CAMK2B: variants seen among roughly 807,000 people sequenced by gnomAD.
CAMK2B encodes the protein calcium/calmodulin-dependent protein kinase type II subunit beta.
Under a neutral mutation model 93.7 loss-of-function variants are expected in CAMK2B, and 27 were observed. That is an observed-to-expected ratio of 0.29 (90% CI 0.21 to 0.40). The LOEUF (loss-of-function observed/expected upper bound fraction) is 0.40. Among genes scored for constraint, CAMK2B ranks in the 10% least tolerant of loss-of-function variants. The pLI, the probability that CAMK2B is intolerant of heterozygous loss-of-function variation, is 1.00. For missense variants in CAMK2B, 568 were observed against 895.8 expected, an observed-to-expected ratio of 0.63 and a Z score of 4.67; for synonymous variants, 374 against 358.8, an observed-to-expected ratio of 1.04 and a Z score of -0.48.
At chr7:44,219,785 C>T (rs1027605476) in intron 23 of CAMK2B, among the ~76,000 whole-genome samples, 3 of 152,208 alleles carry the variant, frequency 2.0e-5, no homozygotes, top group Non-Finnish European at 4.4e-5. Flanking sequence ...GACTGTGCTG[C>T]CCGGGGCCCA....
Position 44,228,420 on chromosome 7 carries a change from G to C in CAMK2B, c.1468+376C>G, listed in dbSNP as rs373134907. 1.4e-3 allele frequency among the ~76,000 whole-genome samples: 219 copies of C among 152,230 alleles called. 1 individual carries two copies. Among genetic ancestry groups the C allele is most frequent in the African/African-American group, 5.0e-3 (206 of 41,522 alleles). On this transcript the variant is annotated intron_variant, in intron 19 of 23. Coordinates refer to ENST00000395749, the MANE Select transcript of CAMK2B (RefSeq NM_001220.5). ...CCTGGGCACCATGGGCAGGGCCCCTGGGTGGGTGTGAAGTCTGTGGGGCTG... is the reference window on the plus strand; with the variant it reads ...CCTGGGCACCATGGGCAGGGCCCCTCGGTGGGTGTGAAGTCTGTGGGGCTG...
At chr7:44,323,145 G>T (rs550994451) in intron 1 of CAMK2B, among the ~76,000 whole-genome samples, 203 of 152,312 alleles carry the variant, frequency 1.3e-3, no homozygotes, top group African/African-American at 4.2e-3. Context: ...CCCAAGAGCC[G>T]CCACAGCAGG....
intron 15 of CAMK2B, 22 bp downstream of exon 15, chr7:44,234,368 C>G (rs764934034): frequency 1.3e-6 from 2 of 1,493,956 alleles, no homozygotes; most frequent in Non-Finnish European, 1.8e-6. Flanking sequence ...GGCTGAGAGG[C>G]AGAATTTGAG....
intron 19 of CAMK2B, among the ~76,000 whole-genome samples, chr7:44,227,219 T>G (rs62636900): frequency 1.4e-3 from 2 of 1,384 alleles, no homozygotes; most frequent in African/African-American, 9.1e-3. Flanking sequence ...CAGAGGGGGA[T>G]GTGGGGGACA....
chr7:44,284,743 T>G (rs568841768), intron 1 of CAMK2B, among the ~76,000 whole-genome samples: 1 of 152,200 alleles, frequency 6.6e-6, no homozygotes, highest in African/African-American at 2.4e-5. Flanking sequence ...TTGGGATTTG[T>G]GCAGTCAGAC....
In CAMK2B at chr7:44,300,913, G is replaced by A. The variant is rs2129176600; in HGVS notation, c.66-16688C>T. ...AACACCCTGATACATTTAAAATACA[G>A]TAATCATATAAAGTACGCTCTCAGA... On this transcript the variant is annotated intron_variant, in intron 1 of 23. Coordinates refer to ENST00000395749, the MANE Select transcript of CAMK2B (RefSeq NM_001220.5). 2.0e-5 allele frequency among the ~76,000 whole-genome samples: 3 copies of A among 152,110 alleles called. 1 individual carries two copies. The South Asian group carries it at 6.2e-4, about 32-fold the overall frequency.
At chr7:44,243,191 G>A in intron 8 of CAMK2B, 59 bp downstream of exon 8, 1 of 1,280,446 alleles carries the variant, frequency 7.8e-7, no homozygotes, top group Non-Finnish European at 1.1e-6. Flanking sequence ...CCAGGATGTA[G>A]GTGGGAAGTC....
Position 44,232,915 on chromosome 7 carries a change from AGAG to A in CAMK2B, c.1132-52_1132-50del, listed in dbSNP as rs781173287. ...GGAAGGAAAGAGAGGGAAAGTGAGA[AGAG>A]GAGGAAGCGGAGACCACCAGGAGGG... is the stretch of plus-strand genomic sequence containing the variant. On this transcript the variant is annotated intron_variant, in intron 15 of 23. Coordinates refer to ENST00000395749, the MANE Select transcript of CAMK2B (RefSeq NM_001220.5). The A allele has an allele frequency of 5.8e-6, 9 of 1,561,420 alleles. No individual in the cohort carries two copies. In the South Asian group the frequency reaches 1.0e-4, roughly 17 times the overall value.
chr7:44,234,535 A>G, intron 14 of CAMK2B, 74 bp from the exon 15 acceptor site: 1 of 1,584,492 alleles, frequency 6.3e-7, no homozygotes. Context: ...CGTGTCTCTC[A>G]GGGCATGGGG....
At chr7:44,274,219 T>C (rs1284244802) in intron 2 of CAMK2B, among the ~76,000 whole-genome samples, 1 of 152,112 alleles carries the variant, frequency 6.6e-6, no homozygotes, top group Non-Finnish European at 1.5e-5. Flanking sequence ...CCAGGTGACA[T>C]GCAGACAATG....
intron 1 of CAMK2B, among the ~76,000 whole-genome samples, chr7:44,306,675 G>T (rs1584828712): frequency 1.3e-5 from 2 of 152,308 alleles, no homozygotes; most frequent in Non-Finnish European, 2.9e-5. Flanking sequence ...CACAGGGGTT[G>T]CTGGAGAACT....
intron 2 of CAMK2B, among the ~76,000 whole-genome samples, chr7:44,267,495 T>C (rs2096930867): frequency 6.6e-6 from 1 of 152,308 alleles, no homozygotes; most frequent in Non-Finnish European, 1.5e-5. Flanking sequence ...TCCTAAATGC[T>C]TGGGCATCTT....
chr7:44,240,456 C>T (rs1278520714), intron 12 of CAMK2B, among the ~76,000 whole-genome samples: 2 of 152,242 alleles, frequency 1.3e-5, no homozygotes, highest in South Asian at 2.1e-4. Context: ...CACAGACGCT[C>T]GTGTTCAGGG....
At chr7:44,229,670 G>A in intron 17 of CAMK2B, 169 bp from the exon 18 acceptor site, 2 of 496,286 alleles carry the variant, frequency 4.0e-6, no homozygotes, top group Non-Finnish European at 7.1e-6. Context: ...TGGGCCTGTG[G>A]TGGCCGCAGC....
chr7:44,256,252 C>T (rs371459014), intron 4 of CAMK2B, among the ~76,000 whole-genome samples: 1 of 152,232 alleles, frequency 6.6e-6, no homozygotes, highest in African/African-American at 2.4e-5. Flanking sequence ...CTGAGCTTGG[C>T]CTGTCCGTGT....
At chr7:44,219,795 A>G (rs2096375981) in intron 23 of CAMK2B, among the ~76,000 whole-genome samples, 2 of 152,142 alleles carry the variant, frequency 1.3e-5, no homozygotes, top group Admixed American at 6.5e-5. Context: ...CCCGGGGCCC[A>G]TCCACCTGCA....
intron 2 of CAMK2B, among the ~76,000 whole-genome samples, chr7:44,278,885 A>G (rs1415504719): frequency 6.6e-6 from 1 of 152,216 alleles, no homozygotes; most frequent in Non-Finnish European, 1.5e-5. Context: ...TCCCTCATCA[A>G]GAGTTCTGAG....
rs1797339481 is a variant in CAMK2B at position 44,325,552 on chromosome 7, G to C, written c.-131C>G. Reference sequence around the variant, plus strand: ...ACCTCGGCTCGCGGCGCCAGGCGGGGGCCGGGCTGGGCTGCGCCGGGCGGC... The same window carrying C: ...ACCTCGGCTCGCGGCGCCAGGCGGGCGCCGGGCTGGGCTGCGCCGGGCGGC... On this transcript the variant is annotated 5_prime_UTR_variant, in exon 1 of 24. Coordinates refer to ENST00000395749, the MANE Select transcript of CAMK2B (RefSeq NM_001220.5). 3.0e-6 allele frequency: 1 copy of C among 333,276 alleles called. No individual in the cohort carries two copies. Among genetic ancestry groups the C allele is most frequent in the African/African-American group, 2.3e-5 (1 of 44,308 alleles). 20.6% of individuals were successfully genotyped at this position (333,276 alleles called of 1,614,324 possible).
intron 2 of CAMK2B, among the ~76,000 whole-genome samples, chr7:44,272,535 C>A (rs1310089935): frequency 6.6e-6 from 1 of 152,228 alleles, no homozygotes; most frequent in African/African-American, 2.4e-5. Context: ...CTCCACCACC[C>A]GCAAGAAGCA....
Sources: gnomAD v4.1 joint callset for allele counts (sites outside exome capture counted in the v4.1 genomes callset) on GRCh38, gnomAD v4.1.1 for gene constraint, MANE v1.5 for transcripts, NCBI Gene and HGNC (gene_info 2026-07-23, HGNC 2026-07-21) for gene names.